Variants in TENM1 observed in about 807,000 individuals in gnomAD.
The protein encoded by TENM1 is teneurin transmembrane protein 1.
In TENM1, 35 loss-of-function variants were observed where a neutral mutation model predicts 174.8. The ratio of observed to expected loss-of-function variants is 0.20; its 90% confidence interval spans 0.15 to 0.27. The LOEUF is 0.27. TENM1 is among the 10% of genes least tolerant of loss of function. The pLI is 1.00. For synonymous variants in TENM1, 781 were observed against 798.7 expected, an observed-to-expected ratio of 0.98 and a Z score of 0.37; for missense variants, 1,633 against 2,130.1, an observed-to-expected ratio of 0.77 and a Z score of 4.59.
At chrX:125,005,189 TACACACACACACACACAC>T in the TENM1 span, among the ~76,000 whole-genome samples, 33 of 88,785 alleles carry the variant, frequency 3.7e-4, 2 homozygotes, top group South Asian at 7.0e-3. Flanking sequence ...GATGTATACA[TACACACACACACACACAC>T]ACACACACAC....
chrX:124,507,726 G>A (rs1342600726), intron 18 of TENM1, among the ~76,000 whole-genome samples: 2 of 111,876 alleles, frequency 1.8e-5, no homozygotes, highest in African/African-American at 6.5e-5. Flanking sequence ...GGCTAGGATA[G>A]GAGATTGACA....
At chrX:124,379,183 A>G (rs1383854705) in exon 32 of TENM1, 1 of 112,436 alleles carries the variant, frequency 8.9e-6, no homozygotes, top group African/African-American at 3.2e-5. Context: ...ATCGCAGAAC[A>G]AATAACCCGT....
chrX:124,580,994 T>G (rs999070025), intron 11 of TENM1, among the ~76,000 whole-genome samples: 3 of 109,869 alleles, frequency 2.7e-5, no homozygotes, highest in Non-Finnish European at 5.7e-5. Flanking sequence ...TTCTTTCCTG[T>G]GTTAGTTTGC....
intron 6 of TENM1, among the ~76,000 whole-genome samples, chrX:124,658,587 A>T (rs188877146): frequency 8.9e-6 from 1 of 112,071 alleles, no homozygotes; most frequent in East Asian, 2.8e-4. Context: ...TTACACACAT[A>T]GGCCTTGGCA....
intron 3 of TENM1, among the ~76,000 whole-genome samples, chrX:124,821,194 G>A (rs1467817885): frequency 8.9e-6 from 1 of 112,100 alleles, no homozygotes; most frequent in Non-Finnish European, 1.9e-5. Context: ...GACTGAATTA[G>A]CATTGCAATT....
At chrX:125,028,544 G>A in the TENM1 span, among the ~76,000 whole-genome samples, 1 of 111,523 alleles carries the variant, frequency 9.0e-6, no homozygotes, top group African/African-American at 3.3e-5. Context: ...GTGGAGGGTG[G>A]AAGAAGGAAG....
the TENM1 span, among the ~76,000 whole-genome samples, chrX:125,193,959 T>A: frequency 9.1e-6 from 1 of 110,353 alleles, no homozygotes; most frequent in East Asian, 2.9e-4. Flanking sequence ...TAATTTTTTT[T>A]TTAAAAAAGA....
At chrX:124,632,044 C>G (rs1032644720) in intron 11 of TENM1, among the ~76,000 whole-genome samples, 1 of 105,414 alleles carries the variant, frequency 9.5e-6, no homozygotes, top group Non-Finnish European at 1.9e-5. Flanking sequence ...TCCCGAGTAG[C>G]TGGGATTATA....
chrX:124,686,756 T>C (rs769886300), intron 5 of TENM1, among the ~76,000 whole-genome samples: 1 of 112,144 alleles, frequency 8.9e-6, no homozygotes, highest in African/African-American at 3.2e-5. Flanking sequence ...AACTAGGTAT[T>C]GATGGAATAT....
intron 4 of TENM1, among the ~76,000 whole-genome samples, chrX:124,707,075 A>T: frequency 9.2e-6 from 1 of 108,642 alleles, no homozygotes; most frequent in Non-Finnish European, 1.9e-5. Context: ...CTGTAACTCC[A>T]GCTCACTGTA....
At chrX:124,480,888 T>C (rs1321050389) in intron 22 of TENM1, among the ~76,000 whole-genome samples, 1 of 111,233 alleles carries the variant, frequency 9.0e-6, no homozygotes, top group Non-Finnish European at 1.9e-5. Flanking sequence ...AGCAGTTAAA[T>C]AATTAAGATG....
the TENM1 span, among the ~76,000 whole-genome samples, chrX:125,046,419 C>G: frequency 1.8e-5 from 2 of 112,155 alleles, no homozygotes; most frequent in East Asian, 5.6e-4. Context: ...CCTACTATGT[C>G]TTCTTTGTCA....
At chrX:124,670,418 T>G (rs1283131272) in intron 6 of TENM1, among the ~76,000 whole-genome samples, 2 of 110,680 alleles carry the variant, frequency 1.8e-5, no homozygotes, top group African/African-American at 3.3e-5. Flanking sequence ...GGAAGAAAAA[T>G]CTGAGCAGTG....
intron 4 of TENM1, among the ~76,000 whole-genome samples, chrX:124,705,825 TATTC>T (rs1373774620): frequency 8.9e-6 from 1 of 112,304 alleles, no homozygotes; most frequent in Non-Finnish European, 1.9e-5. Context: ...GTCACATACT[TATTC>T]ATTTCTCCAT....
At chrX:124,679,044 G>A (rs188715299) in intron 5 of TENM1, among the ~76,000 whole-genome samples, 1 of 111,752 alleles carries the variant, frequency 8.9e-6, no homozygotes, top group African/African-American at 3.2e-5. Context: ...ACCTTGAAAT[G>A]CAAAGATATT....
At chrX:125,034,491 C>T in the TENM1 span, among the ~76,000 whole-genome samples, 2 of 111,262 alleles carry the variant, frequency 1.8e-5, no homozygotes, top group Admixed American at 9.6e-5. Flanking sequence ...ACAGCAAACT[C>T]GCAAACTAAC....
intron 11 of TENM1, among the ~76,000 whole-genome samples, chrX:124,625,214 T>G (rs771953597): frequency 9.0e-6 from 1 of 111,703 alleles, no homozygotes; most frequent in South Asian, 3.7e-4. Context: ...TTTATTTTTC[T>G]ATAATATCTT....
the TENM1 span, among the ~76,000 whole-genome samples, chrX:124,971,237 C>T: frequency 2.7e-5 from 3 of 109,622 alleles, no homozygotes; most frequent in Admixed American, 2.9e-4. Flanking sequence ...TATACATATG[C>T]AACAAACCTG....
the TENM1 span, among the ~76,000 whole-genome samples, chrX:125,161,039 T>TAAAAAA: frequency 0.024 from 1,268 of 52,023 alleles, no homozygotes; most frequent in Middle Eastern, 0.04. Context: ...GGCCAAAAAG[T>TAAAAAA]AAAAAAAAAA....
Sources: gnomAD v4.1 joint callset for allele counts (sites outside exome capture counted in the v4.1 genomes callset) on GRCh38, gnomAD v4.1.1 for gene constraint, MANE v1.5 for transcripts, NCBI Gene and HGNC (gene_info 2026-07-23, HGNC 2026-07-21) for gene names.